ARNT2: variants seen among roughly 807,000 people sequenced by gnomAD.
The protein encoded by ARNT2 is aryl hydrocarbon receptor nuclear translocator 2, also known as ARNT protein 2.
A neutral mutation model predicts 91.7 loss-of-function variants in ARNT2; 36 were observed. The ratio of observed to expected loss-of-function variants is 0.39; its 90% CI spans 0.30 to 0.52. The LOEUF (loss-of-function observed/expected upper bound fraction) is 0.52, where lower values mean the gene tolerates loss of function less well. Among genes scored for constraint, ARNT2 ranks in the 20% least tolerant of loss-of-function variants. The pLI is 0.72. For missense variants in ARNT2, 775 were observed against 939.3 expected (o/e 0.83, Z 2.29); for synonymous variants, 365 against 347.1 (o/e 1.05, Z -0.57).
Position 80,470,262 on chromosome 15 carries a change from C to T in ARNT2, c.239C>T (p.Thr80Ile), listed in dbSNP as rs1209594243. 6.2e-7 allele frequency: 1 copy of T among 1,614,054 alleles called. No homozygotes were observed. The highest frequency in any genetic ancestry group is 8.5e-7 in the Non-Finnish European group (1 of 1,180,040). ...EIERRRRNKMTQYITELSDMV... is the reference protein window; with the variant it reads ...EIERRRRNKMIQYITELSDMV... Reference sequence around the variant, plus strand: ...GAAAGGCGCAGACGGAACAAGATGACTCAGTACATCACGGAGCTCTCCGAC... The same window carrying T: ...GAAAGGCGCAGACGGAACAAGATGATTCAGTACATCACGGAGCTCTCCGAC... Residue 80 changes from threonine (T) to isoleucine (I), a missense_variant, in exon 4 of 19, where the codon ACT (threonine) becomes ATT (isoleucine). By Grantham distance (89) the Thr-to-Ile change is moderately conservative. Transcript: ENST00000303329.
chr15:80,474,132 G>A (rs968595586), intron 4 of ARNT2, among the ~76,000 whole-genome samples: 2 of 152,166 alleles, frequency 1.3e-5, no homozygotes, highest in African/African-American at 4.8e-5. Flanking sequence ...CTATACTTGA[G>A]CTGCCTTCAG....
intron 12 of ARNT2, among the ~76,000 whole-genome samples, chr15:80,570,995 C>T (rs918308538): frequency 1.3e-5 from 2 of 152,300 alleles, no homozygotes; most frequent in Non-Finnish European, 2.9e-5. Flanking sequence ...TCAGCACAGA[C>T]GGCATGGCCA....
rs764628638 is a variant in ARNT2, at chr15:80,595,971, TGAGTTTGGAAGTTTGG to T, written c.*2275_*2290del. 2 of 152,234 alleles carry T rather than the reference TGAGTTTGGAAGTTTGG, an allele frequency of 1.3e-5. No individual in the cohort carries two copies. The highest frequency in any genetic ancestry group is 2.9e-5 in the Non-Finnish European group (2 of 68,050). The allele number at this position is 152,234 out of a possible 1,614,324, so 9.4% of individuals were successfully genotyped here. ...CAGTCTTTTTATAGCCTTTAGCTTG[TGAGTTTGGAAGTTTGG>T]GGGGTCTTATGTTTGTTTTGCCTCT... On this transcript the variant is annotated 3_prime_UTR_variant, in exon 19 of 19. Transcript: ENST00000303329.
intron 5 of ARNT2, among the ~76,000 whole-genome samples, chr15:80,476,752 G>T (rs562416915): frequency 2.0e-5 from 3 of 152,326 alleles, no homozygotes; most frequent in Middle Eastern, 3.4e-3. Context: ...TCTGGAGGCT[G>T]GGCATTCAGT....
chr15:80,404,987 A>G lies in ARNT2; in HGVS notation c.31+441A>G, dbSNP rs1895577535. ...GTTTGGAGCTGGGATTCAACAGGGT[A>G]CAACTCCCGGGACTCTCCCCTGCCC... is the stretch of plus-strand genomic sequence containing the variant. On this transcript the variant is annotated intron_variant, in intron 1 of 18. Transcript: ENST00000303329. The surrounding 1 kb of genome is among the most constrained non-coding windows in gnomAD (Gnocchi z 5.5). Among the ~76,000 whole-genome samples the G allele has an allele frequency of 6.6e-6, 1 of 152,124 alleles. No homozygotes were observed. Among genetic ancestry groups the G allele is most frequent in the East Asian group, 1.9e-4 (1 of 5,162 alleles).
intron 1 of ARNT2, among the ~76,000 whole-genome samples, chr15:80,426,039 C>T (rs760299471): frequency 3.7e-5 from 5 of 135,226 alleles, no homozygotes; most frequent in Non-Finnish European, 7.9e-5. Flanking sequence ...CCAGCATGGG[C>T]AACAGAGGAA....
At chr15:80,547,846 A>G (rs972479048) in intron 8 of ARNT2, among the ~76,000 whole-genome samples, 1 of 152,196 alleles carries the variant, frequency 6.6e-6, no homozygotes, top group Non-Finnish European at 1.5e-5. Flanking sequence ...AGGTCTGTAT[A>G]ATACGGTGAA....
At chr15:80,466,192 G>A (rs189674602) in intron 3 of ARNT2, among the ~76,000 whole-genome samples, 17 of 152,294 alleles carry the variant, frequency 1.1e-4, no homozygotes, top group African/African-American at 2.4e-4. Flanking sequence ...TTCTCCTTTC[G>A]TATTCTTTAA....
At chr15:80,463,566 G>C (rs1039080593) in intron 3 of ARNT2, among the ~76,000 whole-genome samples, 18 of 131,546 alleles carry the variant, frequency 1.4e-4, no homozygotes, top group African/African-American at 4.8e-4. Flanking sequence ...GATATGGATG[G>C]GTGATTTCCT....
chr15:80,563,773 GA>G (rs1478755140), intron 12 of ARNT2, among the ~76,000 whole-genome samples: 2 of 152,214 alleles, frequency 1.3e-5, no homozygotes, highest in Admixed American at 6.5e-5. Flanking sequence ...AGGATCCCAA[GA>G]TCTCTGCTGG....
At chr15:80,443,022 C>A (rs181903104) in intron 1 of ARNT2, 768 of 985,232 alleles carry the variant, frequency 7.8e-4, no homozygotes, top group Non-Finnish European at 8.7e-4. Flanking sequence ...CAGGAGAAGT[C>A]CAGGTACAGT....
At position 80,514,474 on chromosome 15, in the gene ARNT2, A is replaced by T. The variant is rs566973592; in HGVS notation, c.877+69A>T. 57 of 1,348,990 alleles carry T rather than the reference A, an allele frequency of 4.2e-5. No individual in the cohort carries two copies. The African/African-American group carries it at 7.2e-4, about 17-fold the overall frequency. 83.6% of individuals were successfully genotyped at this position (1,348,990 alleles called of 1,614,324 possible). On this transcript the variant is annotated intron_variant, in intron 8 of 18. Transcript: ENST00000303329. ...TCATACCTGACCATGGTGTCCTGTT[A>T]GAGAAGTATTCTCATAGGAATAGGT...
intron 8 of ARNT2, among the ~76,000 whole-genome samples, chr15:80,539,014 A>G (rs965439999): frequency 6.6e-6 from 1 of 152,004 alleles, no homozygotes; most frequent in Non-Finnish European, 1.5e-5. Context: ...ATCAAAAAAA[A>G]TTTTTTTTCT....
chr15:80,578,563 G>A (rs899568165), intron 15 of ARNT2, among the ~76,000 whole-genome samples: 1 of 151,456 alleles, frequency 6.6e-6, no homozygotes, highest in African/African-American at 2.4e-5. Context: ...GCTGCAGACA[G>A]GGCTCAGGGC....
At chr15:80,510,195 G>A (rs56171997) in intron 6 of ARNT2, among the ~76,000 whole-genome samples, 2,661 of 152,196 alleles carry the variant, frequency 0.017, 84 homozygotes, top group African/African-American at 0.06. Context: ...GAAGTCAAAG[G>A]TTCCGCTAAA....
Position 80,516,151 on chromosome 15 carries a change from G to A in ARNT2, c.877+1746G>A, listed in dbSNP as rs1446081966. Among the ~76,000 whole-genome samples, 6 of 152,202 alleles carry A rather than the reference G, an allele frequency of 3.9e-5. No individual in the cohort carries two copies. In the East Asian group the frequency reaches 5.8e-4, roughly 15 times the overall value. The stretch of plus-strand genomic sequence containing the variant: ...CTCCCAAAGTGCTGGGATGACAGGC[G>A]TGAGCCACCGCACCCAGCCAGATAA... On this transcript the variant is annotated intron_variant, in intron 8 of 18. Coordinates refer to ENST00000303329, the MANE Select transcript of ARNT2 (RefSeq NM_014862.4).
intron 5 of ARNT2, among the ~76,000 whole-genome samples, chr15:80,492,386 A>G (rs1897069615): frequency 6.6e-6 from 1 of 152,076 alleles, no homozygotes; most frequent in African/African-American, 2.4e-5. Flanking sequence ...AGATAATGTT[A>G]GTCCTCCAAC....
intron 8 of ARNT2, among the ~76,000 whole-genome samples, chr15:80,522,105 G>A (rs577938319): frequency 6.6e-6 from 1 of 152,224 alleles, no homozygotes; most frequent in East Asian, 1.9e-4. Flanking sequence ...CACAAATATA[G>A]TAAGCACCTT....
chr15:80,528,418 C>CTATTT (rs777348398), intron 8 of ARNT2, among the ~76,000 whole-genome samples: 1 of 144,710 alleles, frequency 6.9e-6, no homozygotes, highest in Non-Finnish European at 1.5e-5. Flanking sequence ...ATCTATTTAT[C>CTATTT]ATCTATCTAT....
Sources: gnomAD v4.1 joint callset for allele counts (sites outside exome capture counted in the v4.1 genomes callset) on GRCh38, gnomAD v4.1.1 for gene constraint, Gnocchi (gnomAD v3.1) non-coding constraint, MANE v1.5 for transcripts, NCBI Gene and HGNC (gene_info 2026-07-23, HGNC 2026-07-21) for gene names.